The following IMMP2L variants were observed in gnomAD, a reference collection of about 807,000 sequenced individuals.
IMMP2L encodes inner mitochondrial membrane peptidase subunit 2.
IMMP2L carries 18 observed loss-of-function variants against 19.3 expected under a neutral mutation model. The observed-to-expected ratio is 0.93, with a 90% CI of 0.64 to 1.38. The LOEUF is 1.38. Among genes scored for constraint, IMMP2L ranks in the 40% most tolerant of loss-of-function variants. IMMP2L has a pLI of 0.00. For missense variants in IMMP2L, 233 were observed against 218.2 expected, an observed-to-expected ratio of 1.07 and a Z score of -0.43; for synonymous variants, 76 against 73.0, an observed-to-expected ratio of 1.04 and a Z score of -0.21.
At chr7:110,907,094 C>G (rs997709361) in intron 4 of IMMP2L, among the ~76,000 whole-genome samples, 5 of 152,028 alleles carry the variant, frequency 3.3e-5, no homozygotes, top group African/African-American at 1.2e-4. Context: ...ACCCCTGAAG[C>G]CCCAGAAGGA....
chr7:110,789,581 T>C (rs1202747605), intron 5 of IMMP2L, among the ~76,000 whole-genome samples: 1 of 151,696 alleles, frequency 6.6e-6, no homozygotes, highest in Non-Finnish European at 1.5e-5. Flanking sequence ...AGTACTTCTC[T>C]AAAAGTATAA....
At chr7:111,288,694 A>T (rs530977423) in intron 3 of IMMP2L, among the ~76,000 whole-genome samples, 1 of 152,330 alleles carries the variant, frequency 6.6e-6, no homozygotes, top group Non-Finnish European at 1.5e-5. Context: ...TCGTTAGAGA[A>T]ATGAAAATGA....
chr7:111,425,061 G>A (rs1160063685), intron 3 of IMMP2L, among the ~76,000 whole-genome samples: 3 of 151,790 alleles, frequency 2.0e-5, no homozygotes, highest in Non-Finnish European at 4.4e-5. Context: ...TTTTCCAGCT[G>A]TCATTTCATT....
At chr7:111,505,176 C>T (rs1844752174) in intron 2 of IMMP2L, among the ~76,000 whole-genome samples, 1 of 151,728 alleles carries the variant, frequency 6.6e-6, no homozygotes, top group South Asian at 2.1e-4. Context: ...TATGAACAGA[C>T]ACTTCTCAAA....
chr7:111,093,284 T>TA (rs1179580207), intron 3 of IMMP2L, among the ~76,000 whole-genome samples: 3 of 152,068 alleles, frequency 2.0e-5, no homozygotes, highest in East Asian at 3.9e-4. Flanking sequence ...ATGCAATCTA[T>TA]AAAAAAAACC....
intron 3 of IMMP2L, among the ~76,000 whole-genome samples, chr7:111,431,345 T>A (rs977224536): frequency 1.3e-5 from 2 of 151,852 alleles, no homozygotes; most frequent in Non-Finnish European, 2.9e-5. Context: ...AAAGAGAAAT[T>A]GTTGTACGCT....
intron 4 of IMMP2L, among the ~76,000 whole-genome samples, chr7:110,891,776 T>C (rs1170547458): frequency 6.6e-6 from 1 of 151,916 alleles, no homozygotes; most frequent in East Asian, 1.9e-4. Context: ...CAAATTACCA[T>C]GAGTTAAAGA....
intron 3 of IMMP2L, among the ~76,000 whole-genome samples, chr7:110,977,028 GT>G (rs1820767571): frequency 6.6e-6 from 1 of 151,886 alleles, no homozygotes. Flanking sequence ...CATTTCCAAA[GT>G]TTTTTAAAGA....
intron 3 of IMMP2L, among the ~76,000 whole-genome samples, chr7:111,063,477 C>T (rs1374264138): frequency 2.0e-5 from 3 of 152,176 alleles, no homozygotes; most frequent in African/African-American, 4.8e-5. Context: ...TGGGGCTTAA[C>T]ATTTGGCTCC....
At chr7:110,695,890 C>A (rs1258249419) in intron 5 of IMMP2L, among the ~76,000 whole-genome samples, 1 of 152,336 alleles carries the variant, frequency 6.6e-6, no homozygotes, top group South Asian at 2.1e-4. Flanking sequence ...GCTGTGGGAA[C>A]TGCACAGGTT....
intron 3 of IMMP2L, among the ~76,000 whole-genome samples, chr7:111,238,801 C>T (rs567306430): frequency 6.6e-6 from 1 of 152,022 alleles, no homozygotes; most frequent in East Asian, 1.9e-4. Flanking sequence ...TCAGACAGAC[C>T]TAGCTTGAGT....
In IMMP2L at chr7:111,514,092, T is replaced by C. The variant is rs1845676417; in HGVS notation, c.135+7221A>G. Among the ~76,000 whole-genome samples the C allele has an allele frequency of 3.9e-5, 6 of 152,104 alleles. No individual in the cohort carries two copies. The South Asian group carries it at 1.2e-3, about 32-fold the overall frequency. ...CAAAGTTTCAGTTATGTAGGATTAA[T>C]AATTTCTGGAAGTCTAATGTACAGC... On this transcript the variant is annotated intron_variant, in intron 2 of 5. Coordinates refer to ENST00000405709, the MANE Select transcript of IMMP2L (RefSeq NM_032549.4).
In IMMP2L at chr7:110,667,898, G is replaced by T. The variant is rs569213389; in HGVS notation, c.409-4177C>A. Among the ~76,000 whole-genome samples, 19 of 152,258 alleles carry T rather than the reference G, an allele frequency of 1.2e-4. No individual in the cohort carries two copies. In the South Asian group the frequency reaches 3.7e-3, roughly 30 times the overall value. On this transcript the variant is annotated intron_variant, in intron 5 of 5. Coordinates refer to ENST00000405709, the MANE Select transcript of IMMP2L (RefSeq NM_032549.4). ...CCATCTTCCACCCCATCCGCAATAG[G>T]TAACTAATTTTATTAGTTTCTGGTT...
At chr7:111,148,134 T>C (rs758195404) in intron 3 of IMMP2L, among the ~76,000 whole-genome samples, 8 of 152,068 alleles carry the variant, frequency 5.3e-5, no homozygotes, top group Admixed American at 1.3e-4. Context: ...GAATGGATAA[T>C]AAAACGTGGT....
chr7:111,208,110 C>G (rs974443299), intron 3 of IMMP2L, among the ~76,000 whole-genome samples: 1 of 152,078 alleles, frequency 6.6e-6, no homozygotes, highest in Non-Finnish European at 1.5e-5. Flanking sequence ...TGGACTCAAA[C>G]AGAGTCTACT....
At chr7:111,527,678 C>G (rs1005906566) in intron 1 of IMMP2L, among the ~76,000 whole-genome samples, 5 of 151,998 alleles carry the variant, frequency 3.3e-5, no homozygotes, top group African/African-American at 1.2e-4. Flanking sequence ...GAAACCAGTG[C>G]CAATGATGTA....
intron 5 of IMMP2L, among the ~76,000 whole-genome samples, chr7:110,690,795 TA>T (rs1434054169): frequency 6.6e-6 from 1 of 151,682 alleles, no homozygotes; most frequent in East Asian, 1.9e-4. Context: ...AGGAGAACTA[TA>T]AAACACTGCT....
intron 3 of IMMP2L, among the ~76,000 whole-genome samples, chr7:111,447,795 G>A (rs1477391280): frequency 6.6e-6 from 1 of 151,822 alleles, no homozygotes; most frequent in Non-Finnish European, 1.5e-5. Flanking sequence ...CCATCAGTGT[G>A]CTGCATTCAG....
At chr7:110,785,180 T>C (rs1220704742) in intron 5 of IMMP2L, among the ~76,000 whole-genome samples, 2 of 151,060 alleles carry the variant, frequency 1.3e-5, no homozygotes, top group Non-Finnish European at 2.9e-5. Context: ...CCAAAAGCTA[T>C]TGGTAAAATT....
Sources: gnomAD v4.1 joint callset for allele counts (sites outside exome capture counted in the v4.1 genomes callset) on GRCh38, gnomAD v4.1.1 for gene constraint, MANE v1.5 for transcripts, NCBI Gene and HGNC (gene_info 2026-07-23, HGNC 2026-07-21) for gene names.